ATXN3: variants seen among roughly 807,000 people sequenced by gnomAD.
ATXN3 encodes ataxin-3.
In ATXN3, 28 loss-of-function variants were observed where a neutral mutation model predicts 58.2. That is an observed-to-expected ratio of 0.48 (90% CI 0.36 to 0.66). The LOEUF (loss-of-function observed/expected upper bound fraction) is 0.66. Among genes scored for constraint, ATXN3 ranks in the 30% least tolerant of loss-of-function variants. ATXN3 has a pLI of 0.00. For missense variants in ATXN3, 321 were observed against 422.1 expected (o/e 0.76, Z 2.10); for synonymous variants, 113 against 138.5 (o/e 0.82, Z 1.29).
rs578194188 is a variant in ATXN3, at chr14:92,064,206, C to G, written c.*114G>C. On this transcript the variant is annotated 3_prime_UTR_variant, in exon 11 of 11. Coordinates refer to ENST00000644486, the MANE Select transcript of ATXN3 (RefSeq NM_004993.6). ...CTTTCCCATCATTTTGTTTGCAAAC[C>G]GCTAAAAGTCTTATTTCCTCATCTC... 1 of 649,238 alleles carries G rather than the reference C, an allele frequency of 1.5e-6. No individual in the cohort carries two copies. The allele number at this position is 649,238 out of a possible 1,614,324, so 40.2% of individuals were successfully genotyped here. A position where few individuals can be genotyped will look rare whatever the true frequency, so the allele number is the denominator to read the frequency against.
At chr14:92,100,089 ATG>A (rs1260331224) in intron 1 of ATXN3, among the ~76,000 whole-genome samples, 7 of 152,208 alleles carry the variant, frequency 4.6e-5, no homozygotes, top group Non-Finnish European at 8.8e-5. Context: ...TAAAACCACA[ATG>A]TGTTAGTACA....
In ATXN3 at chr14:92,064,317, GT is replaced by G; in HGVS notation, c.*2del. On this transcript the variant is annotated 3_prime_UTR_variant, in exon 11 of 11. Coordinates refer to ENST00000644486, the MANE Select transcript of ATXN3 (RefSeq NM_004993.6). ...TGAATATCTAAATTATTTTTTAAAG[GT>G]ATTATTTTTTTCCTTCTGTTTTCAA... is the stretch of plus-strand genomic sequence containing the variant. 1 of 1,579,826 alleles carries G rather than the reference GT, an allele frequency of 6.3e-7. No individual in the cohort carries two copies. The highest frequency in any genetic ancestry group is 8.7e-7 in the Non-Finnish European group (1 of 1,149,848).
intron 9 of ATXN3, among the ~76,000 whole-genome samples, chr14:92,072,474 G>C (rs2059603779): frequency 6.6e-6 from 1 of 152,064 alleles, no homozygotes; most frequent in South Asian, 2.1e-4. Context: ...GTGCTCAGTG[G>C]AACACTTCAG....
At chr14:92,098,753 T>A (rs1261957601) in intron 1 of ATXN3, among the ~76,000 whole-genome samples, 3 of 152,098 alleles carry the variant, frequency 2.0e-5, no homozygotes, top group African/African-American at 7.2e-5. Flanking sequence ...ATACACAGTG[T>A]AAAGCAATGA....
At chr14:92,073,316 C>T (rs1469390914) in intron 9 of ATXN3, among the ~76,000 whole-genome samples, 2 of 152,222 alleles carry the variant, frequency 1.3e-5, no homozygotes, top group African/African-American at 4.8e-5. Context: ...ACTGTGCCAT[C>T]AATATTATAG....
intron 1 of ATXN3, among the ~76,000 whole-genome samples, chr14:92,105,383 A>C (rs566094960): frequency 6.6e-6 from 1 of 152,266 alleles, no homozygotes; most frequent in Non-Finnish European, 1.5e-5. Context: ...TCCATTGCAC[A>C]CCTGCCTGGG....
intron 1 of ATXN3, among the ~76,000 whole-genome samples, chr14:92,103,806 G>C (rs187901616): frequency 4.6e-5 from 7 of 152,190 alleles, no homozygotes; most frequent in Middle Eastern, 3.2e-3. Flanking sequence ...AAGGCCCTTC[G>C]TAGGCAGATA....
Position 92,088,783 on chromosome 14 carries a change from T to A in ATXN3, c.422A>T (p.Glu141Val). The A allele has an allele frequency of 6.2e-7, 1 of 1,612,580 alleles. No homozygotes were observed. Among genetic ancestry groups the A allele is most frequent in the Non-Finnish European group, 8.5e-7 (1 of 1,178,794 alleles). Residue 141 changes from glutamate (E) to valine (V), a missense_variant, in exon 6 of 11, where the codon GAA becomes GTA. Around this residue, in one of 2 missense-constraint regions of ATXN3, gnomAD observed 121 missense variants for 198.9 expected, o/e 0.61. Transcript: ENST00000644486. Reference protein sequence around the residue: ...FNLNSLLTGPELISDTYLALF... With the variant: ...FNLNSLLTGPVLISDTYLALF... ...TGCAAGATATGTATCTGATATTAAT[T>A]CTGGACCCGTCAAGAGAGAATTCAA...
intron 10 of ATXN3, among the ~76,000 whole-genome samples, chr14:92,068,287 A>G (rs2058797167): frequency 6.6e-6 from 1 of 152,168 alleles, no homozygotes; most frequent in Admixed American, 6.5e-5. Context: ...TGGGGTACAT[A>G]TCTTGGCTCC....
upstream of ATXN3, among the ~76,000 whole-genome samples, chr14:92,051,549 C>T (rs2057447688): frequency 6.6e-6 from 1 of 151,298 alleles, no homozygotes; most frequent in Admixed American, 6.6e-5. Flanking sequence ...TAATGGTGTG[C>T]TTTGATGTGG....
chr14:92,081,023 A>C lies in ATXN3; in HGVS notation c.814T>G (p.Ser272Ala). Residue 272 changes from serine (S) to alanine (A), a missense_variant, in exon 9 of 11, where the codon TCA (serine) becomes GCA (alanine). Physicochemically the swap from Ser to Ala is moderately conservative, Grantham distance 99 (BLOSUM62 1). Around this residue, in one of 2 missense-constraint regions of ATXN3, gnomAD observed 200 missense variants for 223.2 expected, o/e 0.90. Transcript: ENST00000644486. Reference sequence around the variant, plus strand: ...TCTTCTGAAGTAAGATTTGTACCTGATGTCTGTGTCATATCTTGAGATATG... The same window carrying C: ...TCTTCTGAAGTAAGATTTGTACCTGCTGTCTGTGTCATATCTTGAGATATG... ...RNISQDMTQT[S>A]GTNLTSEELR... 1 of 1,612,626 alleles carries C rather than the reference A, an allele frequency of 6.2e-7. No homozygotes were observed. Among genetic ancestry groups the C allele is most frequent in the Non-Finnish European group, 8.5e-7 (1 of 1,179,092 alleles).
rs1331857010 is a variant in ATXN3, at chr14:92,079,891, C to T, written c.872+1074G>A. Among the ~76,000 whole-genome samples, 3 of 152,128 alleles carry T rather than the reference C, an allele frequency of 2.0e-5. No individual in the cohort carries two copies. The East Asian group carries it at 5.8e-4, about 29-fold the overall frequency. Reference sequence around the variant, plus strand: ...TAGCTGGGATTACAGGCACCCACCACCATGCCCGGCTAATTTTTGTATTTT... The same window carrying T: ...TAGCTGGGATTACAGGCACCCACCATCATGCCCGGCTAATTTTTGTATTTT... On this transcript the variant is annotated intron_variant, in intron 9 of 10. Transcript: ENST00000644486.
intron 10 of ATXN3, 143 bp downstream of exon 10, chr14:92,070,792 T>A: frequency 6.7e-7 from 1 of 1,483,750 alleles, no homozygotes; most frequent in South Asian, 1.3e-5. Context: ...TCCAGGGAAA[T>A]TTAGTAGATT....
chr14:92,092,807 G>A (rs1410376657), intron 5 of ATXN3, among the ~76,000 whole-genome samples: 2 of 148,700 alleles, frequency 1.3e-5, no homozygotes, highest in Non-Finnish European at 3.0e-5. Context: ...TTACTGGTCA[G>A]TTTCCTAATT....
rs1299143250 is a variant in ATXN3 at position 92,064,116 on chromosome 14, T to C, written c.*204A>G. On this transcript the variant is annotated 3_prime_UTR_variant, in exon 11 of 11. Coordinates refer to ENST00000644486, the MANE Select transcript of ATXN3 (RefSeq NM_004993.6). ...AACTATTTTAAATGTCTTTAATTGC[T>C]GAATGCCTCTTTGGCTAATATTTGG... is the stretch of plus-strand genomic sequence containing the variant. The C allele has an allele frequency of 1.6e-5, 6 of 385,998 alleles. No homozygotes were observed. The East Asian group carries it at 2.5e-4, about 16-fold the overall frequency. 23.9% of individuals were successfully genotyped at this position (385,998 alleles called of 1,614,324 possible).
Position 92,106,554 on chromosome 14 carries a change from T to A in ATXN3, c.-2A>T, listed in dbSNP as rs1197353041. The A allele has an allele frequency of 1.2e-6, 2 of 1,612,934 alleles. No individual in the cohort carries two copies. Among genetic ancestry groups the A allele is most frequent in the Admixed American group, 3.3e-5 (2 of 59,990 alleles). On this transcript the variant is annotated 5_prime_UTR_variant, in exon 1 of 11. Coordinates refer to ENST00000644486, the MANE Select transcript of ATXN3 (RefSeq NM_004993.6). Reference sequence around the variant, plus strand: ...TTTCTCGTGGAAGATGGACTCCATGTTTATTTGTCTGGAGCCAACGGCCCC... The same window carrying A: ...TTTCTCGTGGAAGATGGACTCCATGATTATTTGTCTGGAGCCAACGGCCCC...
At chr14:92,087,766 A>G (rs746532544) in intron 6 of ATXN3, among the ~76,000 whole-genome samples, 2 of 152,226 alleles carry the variant, frequency 1.3e-5, no homozygotes, top group Non-Finnish European at 1.5e-5. Flanking sequence ...GCTGGAATAA[A>G]AAAACAGACA....
rs542893885 is a variant in ATXN3 at position 92,067,778 on chromosome 14, AAGCCTCCACTGACAC to A, written c.991+3142_991+3156del. Among the ~76,000 whole-genome samples the A allele has an allele frequency of 3.7e-4, 56 of 152,346 alleles. No homozygotes were observed. The South Asian group carries it at 9.7e-3, about 26-fold the overall frequency. On this transcript the variant is annotated intron_variant, in intron 10 of 10. Coordinates refer to ENST00000644486, the MANE Select transcript of ATXN3 (RefSeq NM_004993.6). ...TCTTATTTACATCTTCCAATTTAGCAAGCCTCCACTGACACAGCACTGGCAACAGGGAAAAGGGAG... is the reference window on the plus strand; with the variant it reads ...TCTTATTTACATCTTCCAATTTAGCAAGCACTGGCAACAGGGAAAAGGGAG...
At chr14:92,082,909 C>T (rs973249334) in intron 7 of ATXN3, among the ~76,000 whole-genome samples, 3 of 151,954 alleles carry the variant, frequency 2.0e-5, no homozygotes, top group Non-Finnish European at 2.9e-5. Context: ...CTCAGCCTCC[C>T]GAAGTGCTAG....
Sources: gnomAD v4.1 joint callset for allele counts (sites outside exome capture counted in the v4.1 genomes callset) on GRCh38, gnomAD v4.1.1 for gene constraint, gnomAD v4.1.1 regional missense constraint, MANE v1.5 for transcripts, NCBI Gene and HGNC (gene_info 2026-07-23, HGNC 2026-07-21) for gene names.